Variants in JOSD1 observed in about 807,000 individuals in gnomAD.
The protein encoded by JOSD1 is josephin-1.
JOSD1 carries 11 observed loss-of-function variants against 24.3 expected under a neutral mutation model. The observed-to-expected ratio is 0.45, with a 90% CI of 0.29 to 0.75. JOSD1 has a LOEUF of 0.75. Ranked by LOEUF, JOSD1 falls within the 30% of genes least tolerant of loss-of-function variation. The pLI is 0.11. For synonymous variants in JOSD1, 106 were observed against 93.8 expected (o/e 1.13, Z -0.75); for missense variants, 184 against 253.5 (o/e 0.73, Z 1.86).
intron 2 of JOSD1, among the ~76,000 whole-genome samples, chr22:38,690,858 T>C (rs2092518783): frequency 1.3e-5 from 2 of 151,710 alleles, no homozygotes; most frequent in South Asian, 4.2e-4. Flanking sequence ...CCGTCTCTAC[T>C]AAAAATACAA....
intron 2 of JOSD1, 33 bp downstream of exon 2, chr22:38,699,770 A>G (rs1017797680): frequency 1.3e-6 from 2 of 1,595,162 alleles, no homozygotes; most frequent in Non-Finnish European, 1.7e-6. Flanking sequence ...CAGAAATATC[A>G]GTATCAAGAT....
At chr22:38,694,037 G>A (rs1253643183) in intron 2 of JOSD1, among the ~76,000 whole-genome samples, 1 of 152,172 alleles carries the variant, frequency 6.6e-6, no homozygotes, top group Non-Finnish European at 1.5e-5. Flanking sequence ...ATCCCTCACA[G>A]CTAGGCACTG....
intron 2 of JOSD1, among the ~76,000 whole-genome samples, chr22:38,698,956 C>T (rs1426476762): frequency 2.0e-5 from 3 of 152,106 alleles, no homozygotes; most frequent in African/African-American, 7.2e-5. Context: ...GGGGTTCCAC[C>T]ATGTTGGACA....
rs1011269488 is a variant in JOSD1, at chr22:38,686,294, CA to C, written c.*1607del. The C allele has an allele frequency of 2.6e-5, 4 of 152,564 alleles. No individual in the cohort carries two copies. The highest frequency in any genetic ancestry group is 4.8e-5 in the African/African-American group (2 of 41,438). 9.5% of individuals were successfully genotyped at this position (152,564 alleles called of 1,614,324 possible). A position where few individuals can be genotyped will look rare whatever the true frequency, so the allele number is the denominator to read the frequency against. Reference sequence around the variant, plus strand: ...CTGGTGTCAACATGCACTCCAGTCACAGGGGGGAGAAAGCCCAGCTTCACCC... The same window carrying C: ...CTGGTGTCAACATGCACTCCAGTCACGGGGGGAGAAAGCCCAGCTTCACCC... On this transcript the variant is annotated 3_prime_UTR_variant, in exon 5 of 5. Transcript: ENST00000683374.
At chr22:38,699,638 T>C (rs911445635) in intron 2 of JOSD1, among the ~76,000 whole-genome samples, 165 bp downstream of exon 2, 1 of 152,248 alleles carries the variant, frequency 6.6e-6, no homozygotes, top group Non-Finnish European at 1.5e-5. Flanking sequence ...CGTAAGTGCC[T>C]GATAAATGGT....
At chr22:38,701,081 A>C (rs2092568562), upstream of JOSD1, 1 of 737,102 alleles carries the variant, frequency 1.4e-6, no homozygotes, top group Non-Finnish European at 1.7e-6. Context: ...CGTCATCGGC[A>C]CCGGCCTGGG....
At position 38,699,965 on chromosome 22, in the gene JOSD1, C is replaced by T. The variant is rs757636227; in HGVS notation, c.23G>A (p.Gly8Glu). The T allele has an allele frequency of 6.2e-7, 1 of 1,610,142 alleles. No individual in the cohort carries two copies. Among genetic ancestry groups the T allele is most frequent in the Non-Finnish European group, 8.5e-7 (1 of 1,177,828 alleles). The change falls in exon 2 of 5, where the codon GGA becomes GAA. Residue 8 changes from glycine to glutamate, a missense_variant. Transcript: ENST00000683374. The part of the protein sequence containing the change: MSCVPWK[G>E]DKAKSESLEL... Reference sequence around the variant, plus strand: ...CAATGATTCAGATTTGGCCTTGTCTCCTTTCCATGGCACACAACTCATGTT... The same window carrying T: ...CAATGATTCAGATTTGGCCTTGTCTTCTTTCCATGGCACACAACTCATGTT...
intron 2 of JOSD1, among the ~76,000 whole-genome samples, chr22:38,694,819 G>A (rs2092537847): frequency 7.1e-6 from 1 of 140,790 alleles, no homozygotes; most frequent in Non-Finnish European, 1.5e-5. Context: ...CCGAGATCAT[G>A]CCACTGCAAT....
intron 2 of JOSD1, among the ~76,000 whole-genome samples, chr22:38,695,533 G>A (rs1174302803): frequency 2.0e-5 from 3 of 148,042 alleles, no homozygotes; most frequent in Admixed American, 6.9e-5. Flanking sequence ...CTGCAGCCTC[G>A]ACCTCCTGGA....
Position 38,700,495 on chromosome 22 carries a change from G to A in JOSD1, c.-508C>T, listed in dbSNP as rs2092563935. 5 of 986,060 alleles carry A rather than the reference G, an allele frequency of 5.1e-6. No homozygotes were observed. Among genetic ancestry groups the A allele is most frequent in the Non-Finnish European group, 4.8e-6 (4 of 830,450 alleles). 61.1% of individuals were successfully genotyped at this position (986,060 alleles called of 1,614,324 possible). Reference sequence around the variant, plus strand: ...CGAGTCGAGTAGCTAGCGCGGGCCGGCAGGCGTGGGACCGCGAGCCGCGCG... The same window carrying A: ...CGAGTCGAGTAGCTAGCGCGGGCCGACAGGCGTGGGACCGCGAGCCGCGCG... On this transcript the variant is annotated 5_prime_UTR_variant, in exon 2 of 5. Coordinates refer to ENST00000683374, the MANE Select transcript of JOSD1 (RefSeq NM_001360236.2).
At chr22:38,699,645 T>C (rs561058211) in intron 2 of JOSD1, among the ~76,000 whole-genome samples, 158 bp downstream of exon 2, 2 of 152,274 alleles carry the variant, frequency 1.3e-5, no homozygotes, top group African/African-American at 4.8e-5. Flanking sequence ...GCCTGATAAA[T>C]GGTAGTGATT....
chr22:38,691,221 C>T (rs763637593), intron 2 of JOSD1, among the ~76,000 whole-genome samples: 51 of 151,740 alleles, frequency 3.4e-4, no homozygotes, highest in African/African-American at 9.2e-4. Context: ...AAAAATTAGG[C>T]GGGCATGGTG....
intron 2 of JOSD1, among the ~76,000 whole-genome samples, chr22:38,693,000 C>T (rs1318222684): frequency 2.6e-5 from 4 of 152,054 alleles, no homozygotes; most frequent in Non-Finnish European, 4.4e-5. Flanking sequence ...CTTAGAGCGG[C>T]GCTTCCCAAG....
At chr22:38,689,831 T>C (rs947971797) in intron 2 of JOSD1, among the ~76,000 whole-genome samples, 3 of 151,926 alleles carry the variant, frequency 2.0e-5, no homozygotes, top group African/African-American at 7.3e-5. Flanking sequence ...ACAGGTGACA[T>C]AAATGTATAA....
chr22:38,689,482 C>T (rs905139691), intron 2 of JOSD1, 58 bp from the exon 3 acceptor site: 24 of 1,603,296 alleles, frequency 1.5e-5, no homozygotes, highest in Non-Finnish European at 1.8e-5. Flanking sequence ...CCCCTGACCC[C>T]GCACTACCAG....
intron 2 of JOSD1, among the ~76,000 whole-genome samples, chr22:38,695,166 G>A (rs566251572): frequency 5.9e-5 from 9 of 152,148 alleles, no homozygotes; most frequent in Admixed American, 2.0e-4. Context: ...TTAGTAATCC[G>A]TAGGTGTTAG....
chr22:38,685,716 AAAAC>A lies in JOSD1; in HGVS notation c.*2182_*2185del, dbSNP rs1353492270. 6.5e-6 allele frequency: 1 copy of A among 152,690 alleles called. No individual in the cohort carries two copies. The highest frequency in any genetic ancestry group is 1.5e-5 in the Non-Finnish European group (1 of 68,048). 9.5% of individuals were successfully genotyped at this position (152,690 alleles called of 1,614,324 possible). A position where few individuals can be genotyped will look rare whatever the true frequency, so the allele number is the denominator to read the frequency against. On this transcript the variant is annotated 3_prime_UTR_variant, in exon 5 of 5. Coordinates refer to ENST00000683374, the MANE Select transcript of JOSD1 (RefSeq NM_001360236.2). The stretch of plus-strand genomic sequence containing the variant: ...ACAACAAAAAGGAATAAAAGCAAGA[AAAAC>A]AAAAAGCCTAGGGTTGCCCGTTATT...
Position 38,696,217 on chromosome 22 carries a change from T to C in JOSD1, c.185+3586A>G, listed in dbSNP as rs539893568. ...TCATGTAATTTGATTTCTATGACCC[T>C]TTTTTTCAAACCTTATACCCCCCCT... On this transcript the variant is annotated intron_variant, in intron 2 of 4. Coordinates refer to ENST00000683374, the MANE Select transcript of JOSD1 (RefSeq NM_001360236.2). 1.2e-4 allele frequency among the ~76,000 whole-genome samples: 18 copies of C among 151,838 alleles called. No homozygotes were observed. In the South Asian group the frequency reaches 3.1e-3, roughly 26 times the overall value.
In JOSD1 at chr22:38,700,572, G is replaced by A; in HGVS notation, c.-585C>T. 1 of 985,336 alleles carries A rather than the reference G, an allele frequency of 1.0e-6. No individual in the cohort carries two copies. The highest frequency in any genetic ancestry group is 1.2e-6 in the Non-Finnish European group (1 of 829,814). 61.0% of individuals were successfully genotyped at this position (985,336 alleles called of 1,614,324 possible). On this transcript the variant is annotated 5_prime_UTR_variant, in exon 2 of 5. Coordinates refer to ENST00000683374, the MANE Select transcript of JOSD1 (RefSeq NM_001360236.2). The stretch of plus-strand genomic sequence containing the variant: ...CCTCGGGTACGGTGGGGCCCGCAGG[G>A]CGCGGCTCCCTCGGAAGGCGCGGAT...
Sources: gnomAD v4.1 joint callset for allele counts (sites outside exome capture counted in the v4.1 genomes callset) on GRCh38, gnomAD v4.1.1 for gene constraint, MANE v1.5 for transcripts, NCBI Gene and HGNC (gene_info 2026-07-23, HGNC 2026-07-21) for gene names.